ZMAT4: variants seen among roughly 807,000 people sequenced by gnomAD.
The protein encoded by ZMAT4 is zinc finger matrin-type protein 4.
ZMAT4 carries 17 observed loss-of-function variants against 28.7 expected under a neutral mutation model. That is an observed-to-expected ratio of 0.59 (90% CI 0.41 to 0.89). The LOEUF is 0.89. Among genes scored for constraint, ZMAT4 ranks in the 40% least tolerant of loss-of-function variants. The pLI is 0.00. For missense variants in ZMAT4, 240 were observed against 283.8 expected (o/e 0.85, Z 1.11); for synonymous variants, 117 against 109.2 (o/e 1.07, Z -0.44).
chr8:40,841,362 A>G (rs1440634915), intron 1 of ZMAT4, among the ~76,000 whole-genome samples: 1 of 152,148 alleles, frequency 6.6e-6, no homozygotes, highest in African/African-American at 2.4e-5. Flanking sequence ...ACGACCAACC[A>G]ATCCCAGCCA....
At chr8:40,596,841 C>G (rs752217951) in intron 5 of ZMAT4, among the ~76,000 whole-genome samples, 4 of 152,168 alleles carry the variant, frequency 2.6e-5, no homozygotes, top group African/African-American at 9.7e-5. Context: ...TCTCCCTGTT[C>G]CAACTCTCCC....
intron 1 of ZMAT4, among the ~76,000 whole-genome samples, chr8:40,872,328 A>G (rs1318738073): frequency 2.6e-5 from 4 of 152,226 alleles, no homozygotes. Flanking sequence ...CCAGCCCTCC[A>G]GGTGCCAGCG....
intron 3 of ZMAT4, among the ~76,000 whole-genome samples, chr8:40,720,590 T>C (rs1180706599): frequency 1.4e-5 from 2 of 147,836 alleles, no homozygotes; most frequent in Non-Finnish European, 3.0e-5. Flanking sequence ...TGCAGTGGCA[T>C]GATTTTGGCT....
intron 1 of ZMAT4, among the ~76,000 whole-genome samples, chr8:40,877,823 T>A (rs1372166614): frequency 2.0e-5 from 3 of 152,182 alleles, no homozygotes; most frequent in Non-Finnish European, 2.9e-5. Flanking sequence ...TTATAGCTGC[T>A]GTTTGGAACT....
intron 1 of ZMAT4, among the ~76,000 whole-genome samples, chr8:40,826,766 T>C (rs1209555188): frequency 1.3e-5 from 2 of 152,120 alleles, no homozygotes; most frequent in Non-Finnish European, 2.9e-5. Context: ...TATTCTCAAA[T>C]TCCAAACCCG....
chr8:40,867,403 A>T (rs1196177458), intron 1 of ZMAT4, among the ~76,000 whole-genome samples: 1 of 152,210 alleles, frequency 6.6e-6, no homozygotes, highest in Admixed American at 6.5e-5. Context: ...CCTGGTGAAC[A>T]TAAGTCAGAT....
chr8:40,535,112 G>A (rs1487581867), intron 6 of ZMAT4, among the ~76,000 whole-genome samples: 2 of 152,256 alleles, frequency 1.3e-5, no homozygotes, highest in Middle Eastern at 3.4e-3. Context: ...AAAGAGAAGT[G>A]TCCCTGTCAG....
At chr8:40,835,068 C>T (rs1038304301) in intron 1 of ZMAT4, among the ~76,000 whole-genome samples, 1 of 152,178 alleles carries the variant, frequency 6.6e-6, no homozygotes, top group Non-Finnish European at 1.5e-5. Flanking sequence ...AACTCCAGCA[C>T]CTTCTCCAGT....
chr8:40,608,603 A>T (rs1484447847), intron 5 of ZMAT4, among the ~76,000 whole-genome samples: 5 of 152,184 alleles, frequency 3.3e-5, no homozygotes, highest in African/African-American at 1.2e-4. Context: ...TGTCCAGGAA[A>T]CTTCGTGTTC....
rs944666215 is a variant in ZMAT4 at position 40,652,634 on chromosome 8, G to A, written c.577+22070C>T. 1.5e-3 allele frequency among the ~76,000 whole-genome samples: 180 copies of A among 122,334 alleles called. 1 individual carries two copies. Among genetic ancestry groups the A allele is most frequent in the African/African-American group, 4.9e-3 (167 of 34,012 alleles). The allele number at this position is 122,334 out of a possible 152,430, so 80.3% of individuals were successfully genotyped here. ...TGCTGCTATAAAGACACATGCACAC[G>A]TATGTTTATAGCGGCATTATTCATG... On this transcript the variant is annotated intron_variant, in intron 5 of 6. Transcript: ENST00000297737.
chr8:40,822,559 T>G (rs1815869306), intron 2 of ZMAT4, among the ~76,000 whole-genome samples: 1 of 152,116 alleles, frequency 6.6e-6, no homozygotes, highest in African/African-American at 2.4e-5. Flanking sequence ...AGAATATCAG[T>G]TTTCAAATGG....
chr8:40,647,804 A>C (rs373416007), intron 5 of ZMAT4, among the ~76,000 whole-genome samples: 1 of 152,126 alleles, frequency 6.6e-6, no homozygotes, highest in Non-Finnish European at 1.5e-5. Context: ...AGGCACCCCC[A>C]AGCAGGGGCA....
chr8:40,834,936 C>A (rs1245021136), intron 1 of ZMAT4, among the ~76,000 whole-genome samples: 1 of 152,214 alleles, frequency 6.6e-6, no homozygotes, highest in Non-Finnish European at 1.5e-5. Context: ...TTGGGGAGAG[C>A]CCAAGGTGTC....
At chr8:40,713,849 C>T (rs549793015) in intron 3 of ZMAT4, among the ~76,000 whole-genome samples, 7 of 141,324 alleles carry the variant, frequency 5.0e-5, no homozygotes, top group Non-Finnish European at 9.0e-5. Context: ...GTGGAGGTTG[C>T]AGTGAGCCAA....
Position 40,590,746 on chromosome 8 carries a change from C to T in ZMAT4, c.578-9485G>A, listed in dbSNP as rs62505443. 4.5e-3 allele frequency among the ~76,000 whole-genome samples: 685 copies of T among 151,382 alleles called. 5 individuals are homozygous for T. The highest frequency in any genetic ancestry group is 0.016 in the African/African-American group (662 of 41,260). On this transcript the variant is annotated intron_variant, in intron 5 of 6. Coordinates refer to ENST00000297737, the MANE Select transcript of ZMAT4 (RefSeq NM_024645.3). ...GTGTGTGTGTGTGAGTCTTGAGACA[C>T]GAATCAACAGTCATATTGAACCTGC...
intron 5 of ZMAT4, among the ~76,000 whole-genome samples, chr8:40,617,528 T>C (rs184933783): frequency 7.2e-5 from 11 of 152,326 alleles, no homozygotes; most frequent in African/African-American, 2.6e-4. Context: ...TGAAACGCTA[T>C]GCAAGCAGAC....
At chr8:40,840,568 C>A (rs140997552) in intron 1 of ZMAT4, among the ~76,000 whole-genome samples, 1 of 152,192 alleles carries the variant, frequency 6.6e-6, no homozygotes. Flanking sequence ...CTGTGGACCT[C>A]ACCTCATTAG....
intron 5 of ZMAT4, among the ~76,000 whole-genome samples, chr8:40,620,466 T>C (rs572781552): frequency 2.0e-5 from 3 of 152,366 alleles, no homozygotes; most frequent in Admixed American, 6.5e-5. Context: ...CTTTTATTCC[T>C]CTGTAAAAGA....
chr8:40,720,032 C>T (rs145938228), intron 3 of ZMAT4, among the ~76,000 whole-genome samples: 48 of 152,352 alleles, frequency 3.2e-4, no homozygotes, highest in African/African-American at 1.1e-3. Context: ...TGACCATCTA[C>T]TTCTCTGCCT....
Sources: allele counts gnomAD v4.1 joint callset (sites outside exome capture counted in the v4.1 genomes callset), GRCh38; gene constraint gnomAD v4.1.1; transcripts MANE v1.5; gene names NCBI Gene and HGNC (gene_info 2026-07-23, HGNC 2026-07-21).